Variants in RAPGEF2 observed in about 807,000 individuals in gnomAD.
RAPGEF2 encodes PDZ domain containing guanine nucleotide exchange factor (GEF) 1.
RAPGEF2 carries 54 observed loss-of-function variants against 186.7 expected under a neutral mutation model. The observed-to-expected ratio is 0.29, with a 90% CI of 0.23 to 0.36. The LOEUF is 0.36. Ranked by LOEUF, RAPGEF2 falls within the 10% of genes least tolerant of loss-of-function variation. The pLI, the probability that RAPGEF2 is intolerant of heterozygous loss-of-function variation, is 1.00. For missense variants in RAPGEF2, 1,532 were observed against 2,045.0 expected, an observed-to-expected ratio of 0.75 and a Z score of 4.84; for synonymous variants, 712 against 705.9, an observed-to-expected ratio of 1.01 and a Z score of -0.14.
chr4:159,252,783 G>C (rs1353008375), intron 7 of RAPGEF2, among the ~76,000 whole-genome samples: 1 of 152,134 alleles, frequency 6.6e-6, no homozygotes, highest in Admixed American at 6.5e-5. Context: ...TTTTCAAACA[G>C]TTTCATCTCT....
chr4:159,184,554 C>G (rs1747361986), intron 1 of RAPGEF2, among the ~76,000 whole-genome samples: 1 of 152,178 alleles, frequency 6.6e-6, no homozygotes, highest in Admixed American at 6.5e-5. Flanking sequence ...TGAGAAGTGT[C>G]TGTTCATATC....
rs562497973 is a variant in RAPGEF2, at chr4:159,103,323, C to G, written c.-840C>G. 2 of 151,880 alleles carry G rather than the reference C, an allele frequency of 1.3e-5. No individual in the cohort carries two copies. Among genetic ancestry groups the G allele is most frequent in the East Asian group, 3.9e-4 (2 of 5,112 alleles). The allele number at this position is 151,880 out of a possible 1,614,324, so 9.4% of individuals were successfully genotyped here. On this transcript the variant is annotated 5_prime_UTR_variant, in exon 1 of 30. Coordinates refer to ENST00000691494, the MANE Select transcript of RAPGEF2 (RefSeq NM_001394067.2). ...GCGACTGGGCCGGAGGGCTGCAGCCCGGGCCGGGTGCTCTGGCCGCGGCGG... is the reference window on the plus strand; with the variant it reads ...GCGACTGGGCCGGAGGGCTGCAGCCGGGGCCGGGTGCTCTGGCCGCGGCGG...
chr4:159,234,980 G>A (rs1753081236), intron 4 of RAPGEF2, among the ~76,000 whole-genome samples: 1 of 152,000 alleles, frequency 6.6e-6, no homozygotes, highest in Non-Finnish European at 1.5e-5. Context: ...GGCTGGTCTC[G>A]AACTCCTAAC....
intron 1 of RAPGEF2, among the ~76,000 whole-genome samples, chr4:159,134,828 T>C (rs753848117): frequency 3.3e-5 from 5 of 152,208 alleles, no homozygotes; most frequent in Admixed American, 6.5e-5. Flanking sequence ...TAGGACATTT[T>C]ATCAACCTCA....
intron 3 of RAPGEF2, among the ~76,000 whole-genome samples, chr4:159,198,316 T>TC (rs1561075156): frequency 6.0e-5 from 3 of 49,970 alleles, no homozygotes; most frequent in Admixed American, 1.9e-4. Flanking sequence ...CTTTCTTTCT[T>TC]TCTTTCTTTC....
chr4:159,112,377 A>G (rs1738593217), intron 1 of RAPGEF2, among the ~76,000 whole-genome samples: 1 of 151,660 alleles, frequency 6.6e-6, no homozygotes, highest in Non-Finnish European at 1.5e-5. Flanking sequence ...TTTCCTTTTC[A>G]TATTTTTTTT....
At position 159,358,778 on chromosome 4, in the gene RAPGEF2, C is replaced by T. The variant is rs1013754886; in HGVS notation, c.*639C>T. ...TTAAGTAGGGTTGCCAGCCTGGTTT[C>T]TGAAAAACCAAATATGCCGGACAGG... On this transcript the variant is annotated 3_prime_UTR_variant, in exon 30 of 30. Coordinates refer to ENST00000691494, the MANE Select transcript of RAPGEF2 (RefSeq NM_001394067.2). 1.3e-5 allele frequency: 2 copies of T among 152,182 alleles called. No individual in the cohort carries two copies. The highest frequency in any genetic ancestry group is 1.3e-4 in the Admixed American group (2 of 15,282). 9.4% of individuals were successfully genotyped at this position (152,182 alleles called of 1,614,324 possible).
chr4:159,302,398 T>C (rs983799397), intron 7 of RAPGEF2, among the ~76,000 whole-genome samples: 62 of 152,332 alleles, frequency 4.1e-4, no homozygotes, highest in African/African-American at 1.5e-3. Flanking sequence ...TAAAAGATAA[T>C]CAATAGAAAT....
chr4:159,217,711 TA>T lies in RAPGEF2; in HGVS notation c.281+7129del, dbSNP rs368356065. Among the ~76,000 whole-genome samples, 59 of 152,356 alleles carry T rather than the reference TA, an allele frequency of 3.9e-4. No homozygotes were observed. In the East Asian group the frequency reaches 0.011, roughly 28 times the overall value. On this transcript the variant is annotated intron_variant, in intron 4 of 29. Coordinates refer to ENST00000691494, the MANE Select transcript of RAPGEF2 (RefSeq NM_001394067.2). ...CTGGGTCAAATGGCAGTTCTATTTTTATTTCTTTGAGAAATGTCCAACCTGT... is the reference window on the plus strand; with the variant it reads ...CTGGGTCAAATGGCAGTTCTATTTTTTTTCTTTGAGAAATGTCCAACCTGT...
At chr4:159,291,320 T>G (rs529845654) in intron 7 of RAPGEF2, among the ~76,000 whole-genome samples, 2 of 152,314 alleles carry the variant, frequency 1.3e-5, no homozygotes, top group Non-Finnish European at 2.9e-5. Flanking sequence ...TATCATTTTT[T>G]GAGACAAGGT....
At chr4:159,108,383 CTTTT>C (rs35882271) in intron 1 of RAPGEF2, among the ~76,000 whole-genome samples, 358 of 107,868 alleles carry the variant, frequency 3.3e-3, no homozygotes, top group Non-Finnish European at 6.0e-3. Context: ...ACAGAACTTT[CTTTT>C]TTTTTTTTTT....
chr4:159,273,633 T>TCTTTCTTCCTTTCTTC (rs1491316158), intron 7 of RAPGEF2, among the ~76,000 whole-genome samples: 1 of 25,464 alleles, frequency 3.9e-5, no homozygotes, highest in African/African-American at 1.5e-4. Context: ...TCAGTTTCTT[T>TCTTTCTTCCTTTCTTC]CTTTCTTTCT....
At chr4:159,296,055 C>T (rs911049537) in intron 7 of RAPGEF2, among the ~76,000 whole-genome samples, 3 of 151,972 alleles carry the variant, frequency 2.0e-5, no homozygotes, top group Non-Finnish European at 4.4e-5. Flanking sequence ...GATTTAATAA[C>T]GAGGCCTGAA....
intron 4 of RAPGEF2, among the ~76,000 whole-genome samples, chr4:159,211,978 G>A (rs1750578069): frequency 6.6e-6 from 1 of 152,120 alleles, no homozygotes. Context: ...CGACAAAATA[G>A]CTAAGCTTTT....
chr4:159,142,908 T>TG (rs1197203943), intron 1 of RAPGEF2, among the ~76,000 whole-genome samples: 1 of 152,214 alleles, frequency 6.6e-6, no homozygotes. Context: ...GAAGAACTAG[T>TG]GGGGTAATCC....
intron 4 of RAPGEF2, among the ~76,000 whole-genome samples, chr4:159,223,353 A>G (rs1751720097): frequency 6.6e-6 from 1 of 152,222 alleles, no homozygotes; most frequent in African/African-American, 2.4e-5. Flanking sequence ...TGAGTCAGAT[A>G]TTTCAAGATA....
intron 7 of RAPGEF2, among the ~76,000 whole-genome samples, chr4:159,244,668 T>C (rs944799108): frequency 2.6e-5 from 4 of 152,052 alleles, no homozygotes; most frequent in Admixed American, 2.6e-4. Context: ...CATGAATAAT[T>C]TATTCACATT....
intron 3 of RAPGEF2, among the ~76,000 whole-genome samples, chr4:159,208,748 A>G (rs547523834): frequency 7.2e-4 from 110 of 152,288 alleles, no homozygotes; most frequent in African/African-American, 2.6e-3. Flanking sequence ...ATGTGTGATA[A>G]AATAACTTAT....
intron 8 of RAPGEF2, among the ~76,000 whole-genome samples, chr4:159,307,358 T>G (rs961392256): frequency 3.3e-5 from 5 of 152,202 alleles, no homozygotes; most frequent in Admixed American, 3.3e-4. Flanking sequence ...GATAGTATAC[T>G]AGTTATATAC....
Sources: gnomAD v4.1 joint callset for allele counts (sites outside exome capture counted in the v4.1 genomes callset) on GRCh38, gnomAD v4.1.1 for gene constraint, MANE v1.5 for transcripts, NCBI Gene and HGNC (gene_info 2026-07-23, HGNC 2026-07-21) for gene names.